SHANK2: variants seen among roughly 807,000 people sequenced by gnomAD.
The protein encoded by SHANK2 is SH3 and multiple ankyrin repeat domains protein 2.
SHANK2 carries 43 observed loss-of-function variants against 133.7 expected under a neutral mutation model. The observed-to-expected ratio is 0.32, with a 90% CI of 0.25 to 0.41. The LOEUF (loss-of-function observed/expected upper bound fraction) is 0.41. Ranked by LOEUF, SHANK2 falls within the 10% of genes least tolerant of loss-of-function variation. SHANK2 has a pLI of 1.00. For synonymous variants in SHANK2, 1,017 were observed against 952.8 expected (o/e 1.07, Z -1.24); for missense variants, 1,994 against 2,235.8 (o/e 0.89, Z 2.18).
intron 11 of SHANK2, among the ~76,000 whole-genome samples, chr11:70,847,566 G>A (rs1413661985): frequency 1.3e-5 from 2 of 152,214 alleles, no homozygotes; most frequent in Non-Finnish European, 2.9e-5. Context: ...AATTGCTCTG[G>A]AACGGGGGAC....
intron 17 of SHANK2, among the ~76,000 whole-genome samples, chr11:70,557,446 T>C (rs1565127833): frequency 1.3e-5 from 2 of 152,112 alleles, no homozygotes; most frequent in Non-Finnish European, 2.9e-5. Flanking sequence ...TCCAGACAGA[T>C]GTTCTGGATG....
At chr11:71,199,624 A>G (rs977532883) in intron 2 of SHANK2, among the ~76,000 whole-genome samples, 10 of 152,232 alleles carry the variant, frequency 6.6e-5, no homozygotes, top group African/African-American at 1.9e-4. Context: ...GGGAGCATGC[A>G]GGGAAGATGT....
chr11:70,795,559 C>A (rs1015317836), intron 14 of SHANK2, among the ~76,000 whole-genome samples: 2 of 152,182 alleles, frequency 1.3e-5, no homozygotes, highest in East Asian at 1.9e-4. Flanking sequence ...GTGCATGGCA[C>A]CATGTCCGGC....
At chr11:71,206,427 C>T (rs1954128001) in intron 2 of SHANK2, among the ~76,000 whole-genome samples, 1 of 152,180 alleles carries the variant, frequency 6.6e-6, no homozygotes, top group Non-Finnish European at 1.5e-5. Flanking sequence ...CTGCAACTGC[C>T]ACTCAGAGTG....
intron 11 of SHANK2, chr11:70,873,108 T>C (rs1312679550): frequency 4.2e-6 from 2 of 471,134 alleles, no homozygotes; most frequent in African/African-American, 4.0e-5. Flanking sequence ...GCTTGGGCCC[T>C]GCAGTTTATA....
intron 6 of SHANK2, among the ~76,000 whole-genome samples, chr11:71,095,275 G>A (rs1213415415): frequency 6.6e-6 from 1 of 152,236 alleles, no homozygotes; most frequent in Non-Finnish European, 1.5e-5. Context: ...GCAGACAGAA[G>A]GATGCCGTCT....
chr11:70,568,408 T>C (rs537919018), intron 17 of SHANK2, among the ~76,000 whole-genome samples: 70 of 152,290 alleles, frequency 4.6e-4, no homozygotes, highest in African/African-American at 1.6e-3. Context: ...TGCAGAGAAC[T>C]TCTCTGTTTA....
intron 10 of SHANK2, among the ~76,000 whole-genome samples, chr11:70,902,174 C>T (rs967500851): frequency 5.3e-5 from 8 of 152,254 alleles, no homozygotes; most frequent in Admixed American, 1.3e-4. Flanking sequence ...CGGGCAGTGT[C>T]ACTGCACCAC....
chr11:71,227,580 C>G (rs966952703), intron 1 of SHANK2, among the ~76,000 whole-genome samples: 4 of 151,636 alleles, frequency 2.6e-5, no homozygotes, highest in African/African-American at 9.7e-5. Flanking sequence ...ATGGATAGAA[C>G]TGAAGAAAGA....
rs137932035 is a variant in SHANK2 at position 71,201,727 on chromosome 11, C to T, written c.-13+22970G>A. Among the ~76,000 whole-genome samples the T allele has an allele frequency of 4.3e-3, 650 of 152,326 alleles. 2 individuals are homozygous for T. Among genetic ancestry groups the T allele is most frequent in the Non-Finnish European group, 5.8e-3 (395 of 68,022 alleles). On this transcript the variant is annotated intron_variant, in intron 2 of 25. Coordinates refer to ENST00000601538, the MANE Select transcript of SHANK2 (RefSeq NM_012309.5). ...AGCAGAGACTTGTCCACGCCCAGCA[C>T]ACAGACTCCGAGGGTAGTGGGGCTG...
intron 9 of SHANK2, among the ~76,000 whole-genome samples, chr11:71,058,285 G>A (rs904591154): frequency 6.6e-6 from 1 of 152,136 alleles, no homozygotes; most frequent in Non-Finnish European, 1.5e-5. Flanking sequence ...AGAACTTCTC[G>A]CCAACCCCTC....
At chr11:70,773,898 C>T (rs1343404088) in intron 14 of SHANK2, among the ~76,000 whole-genome samples, 1 of 152,130 alleles carries the variant, frequency 6.6e-6, no homozygotes, top group Non-Finnish European at 1.5e-5. Flanking sequence ...AAAATGAAGC[C>T]ACTGTGGAAC....
At chr11:71,168,342 T>A (rs373372457) in intron 2 of SHANK2, among the ~76,000 whole-genome samples, 3 of 107,292 alleles carry the variant, frequency 2.8e-5, no homozygotes, top group African/African-American at 1.1e-4. Flanking sequence ...CTTTCCAGAC[T>A]GGGCAGCCAG....
At chr11:70,760,642 C>T (rs1214519663) in intron 14 of SHANK2, among the ~76,000 whole-genome samples, 2 of 152,260 alleles carry the variant, frequency 1.3e-5, no homozygotes, top group Non-Finnish European at 2.9e-5. Context: ...TGAATCCCTA[C>T]CCTACAGTGC....
At chr11:71,202,391 C>T (rs1325300306) in intron 2 of SHANK2, among the ~76,000 whole-genome samples, 2 of 152,362 alleles carry the variant, frequency 1.3e-5, no homozygotes, top group African/African-American at 2.4e-5. Context: ...GAACAGCCTA[C>T]CTGGCGGGTG....
chr11:71,246,320 T>C (rs1487544442), intron 1 of SHANK2, among the ~76,000 whole-genome samples: 1 of 151,742 alleles, frequency 6.6e-6, no homozygotes, highest in Non-Finnish European at 1.5e-5. Flanking sequence ...CCGAGGACTC[T>C]AGGTGCTGAC....
intron 14 of SHANK2, among the ~76,000 whole-genome samples, chr11:70,749,754 C>T (rs1194490169): frequency 3.3e-5 from 5 of 151,392 alleles, no homozygotes; most frequent in Non-Finnish European, 5.9e-5. Context: ...ATAAAAGTGA[C>T]GAAGACAAGA....
intron 3 of SHANK2, among the ~76,000 whole-genome samples, chr11:71,134,178 G>T (rs1336): frequency 0.12 from 18,773 of 151,810 alleles, 3,190 homozygotes; most frequent in African/African-American, 0.39. Context: ...CAGCAGGAGA[G>T]GCAAAGAACT....
chr11:70,492,230 C>T lies in SHANK2; in HGVS notation c.2439+105G>A, dbSNP rs12575560. 2.8e-4 allele frequency: 433 copies of T among 1,544,024 alleles called. No individual in the cohort carries two copies. The East Asian group carries it at 4.3e-3, about 15-fold the overall frequency. ...ATTTGGGCCCCACCTCTGGACAGCACGAACCAGACATGAAAGCGTGTGCAC... is the reference window on the plus strand; with the variant it reads ...ATTTGGGCCCCACCTCTGGACAGCATGAACCAGACATGAAAGCGTGTGCAC... On this transcript the variant is annotated intron_variant, in intron 22 of 25. Transcript: ENST00000601538.
Sources: gnomAD v4.1 joint callset for allele counts (sites outside exome capture counted in the v4.1 genomes callset) on GRCh38, gnomAD v4.1.1 for gene constraint, MANE v1.5 for transcripts, NCBI Gene and HGNC (gene_info 2026-07-23, HGNC 2026-07-21) for gene names.